Variants in CYTH1 observed in about 807,000 individuals in gnomAD.
CYTH1 encodes the protein cytohesin 1.
In CYTH1, 18 loss-of-function variants were observed where a neutral mutation model predicts 61.8. The observed-to-expected ratio is 0.29, with a 90% CI of 0.20 to 0.43. The LOEUF is 0.43. Ranked by LOEUF, CYTH1 falls within the 20% of genes least tolerant of loss-of-function variation. CYTH1 has a pLI of 1.00. For missense variants in CYTH1, 336 were observed against 510.5 expected (o/e 0.66, Z 3.29); for synonymous variants, 174 against 184.3 (o/e 0.94, Z 0.45).
chr17:78,742,659 C>T (rs915652928), intron 1 of CYTH1, among the ~76,000 whole-genome samples: 3 of 152,086 alleles, frequency 2.0e-5, no homozygotes, highest in African/African-American at 7.2e-5. Flanking sequence ...TTGAGGCCAG[C>T]CTAGCCGACA....
intron 13 of CYTH1, chr17:78,677,291 G>A (rs1216210069): frequency 5.6e-6 from 2 of 358,830 alleles, no homozygotes; most frequent in African/African-American, 2.1e-5. Flanking sequence ...AAGCTGGGGG[G>A]TTCTGCAGAG....
chr17:78,765,898 GGTCTT>G (rs1411199297), intron 1 of CYTH1, among the ~76,000 whole-genome samples: 1 of 151,908 alleles, frequency 6.6e-6, no homozygotes, highest in Non-Finnish European at 1.5e-5. Flanking sequence ...AAAGCTAGAG[GGTCTT>G]GTCTTGAGAT....
chr17:78,681,195 A>C, intron 11 of CYTH1, 153 bp from the exon 12 acceptor site: 2 of 683,572 alleles, frequency 2.9e-6, no homozygotes, highest in Non-Finnish European at 5.0e-6. Context: ...ATTCTAAACA[A>C]GAATAACACC....
In CYTH1 at chr17:78,773,405, G is replaced by C. The variant is rs35851210; in HGVS notation, c.22+8797C>G. Reference sequence around the variant, plus strand: ...AGCACTTTGGGAGGCCGAGGCGGACGGATCACCTGAGGTCAGGAGTTTGAG... The same window carrying C: ...AGCACTTTGGGAGGCCGAGGCGGACCGATCACCTGAGGTCAGGAGTTTGAG... On this transcript the variant is annotated intron_variant, in intron 1 of 13. Coordinates refer to ENST00000446868, the MANE Select transcript of CYTH1 (RefSeq NM_004762.6). Among the ~76,000 whole-genome samples, 1,117 of 152,184 alleles carry C rather than the reference G, an allele frequency of 7.3e-3. 7 individuals are homozygous for C. Among genetic ancestry groups the C allele is most frequent in the Non-Finnish European group, 0.013 (899 of 67,992 alleles).
intron 1 of CYTH1, among the ~76,000 whole-genome samples, chr17:78,711,594 A>G (rs2093132888): frequency 6.6e-6 from 1 of 152,134 alleles, no homozygotes; most frequent in African/African-American, 2.4e-5. Flanking sequence ...CTACATTCAC[A>G]GAGCAGTTAC....
intron 11 of CYTH1, among the ~76,000 whole-genome samples, chr17:78,681,294 C>T (rs893807417): frequency 2.0e-5 from 3 of 152,130 alleles, no homozygotes; most frequent in African/African-American, 7.2e-5. Context: ...AGAGTGTGGC[C>T]GGCAGTGACC....
intron 11 of CYTH1, among the ~76,000 whole-genome samples, chr17:78,686,777 AATTT>A (rs1042192393): frequency 1.1e-4 from 16 of 151,890 alleles, no homozygotes; most frequent in African/African-American, 3.4e-4. Context: ...TAAGTTAATT[AATTT>A]ATTTATTTTT....
chr17:78,692,816 C>T (rs1270934785), intron 10 of CYTH1, among the ~76,000 whole-genome samples: 2 of 151,948 alleles, frequency 1.3e-5, no homozygotes, highest in Admixed American at 6.6e-5. Flanking sequence ...CCAGAGTCAG[C>T]AAAAAGCCTA....
chr17:78,737,681 C>T (rs1001245530), intron 1 of CYTH1, among the ~76,000 whole-genome samples: 9 of 151,594 alleles, frequency 5.9e-5, no homozygotes, highest in Non-Finnish European at 1.3e-4. Flanking sequence ...TAATATGCTG[C>T]ACCCAAAGAT....
At chr17:78,752,465 C>G (rs576402103) in intron 1 of CYTH1, among the ~76,000 whole-genome samples, 155 of 152,252 alleles carry the variant, frequency 1.0e-3, no homozygotes, top group African/African-American at 3.5e-3. Context: ...CAGAGTCTTG[C>G]TCCGTCACCC....
intron 1 of CYTH1, among the ~76,000 whole-genome samples, chr17:78,740,428 A>G (rs1358548187): frequency 6.6e-6 from 1 of 152,166 alleles, no homozygotes. Context: ...TCCAGTTCAC[A>G]TTCTCAAAAG....
intron 1 of CYTH1, among the ~76,000 whole-genome samples, chr17:78,779,549 G>A (rs1237989000): frequency 6.6e-6 from 1 of 152,218 alleles, no homozygotes; most frequent in Non-Finnish European, 1.5e-5. Context: ...ATGGCAGAAG[G>A]GGAATTAAGG....
At chr17:78,739,498 G>A (rs1393873866) in intron 1 of CYTH1, among the ~76,000 whole-genome samples, 1 of 152,224 alleles carries the variant, frequency 6.6e-6, no homozygotes, top group African/African-American at 2.4e-5. Context: ...TACTGTGGCT[G>A]GAGCAGGAAG....
chr17:78,688,643 G>T (rs537603793), intron 11 of CYTH1, among the ~76,000 whole-genome samples: 1 of 152,226 alleles, frequency 6.6e-6, no homozygotes. Flanking sequence ...TGCTTTCAGC[G>T]CAGACATATT....
At chr17:78,771,499 G>T (rs184310555) in intron 1 of CYTH1, among the ~76,000 whole-genome samples, 1 of 152,028 alleles carries the variant, frequency 6.6e-6, no homozygotes, top group Non-Finnish European at 1.5e-5. Context: ...TTGGGAGGCC[G>T]AGGCAGGCAG....
chr17:78,699,365 GAA>G (rs61370475), intron 7 of CYTH1, among the ~76,000 whole-genome samples: 2 of 113,828 alleles, frequency 1.8e-5, no homozygotes, highest in East Asian at 2.5e-4. Context: ...CTCCATCTCA[GAA>G]AAAAAAAAAA....
At chr17:78,676,869 G>A (rs1375711720) in intron 13 of CYTH1, 3 of 394,734 alleles carry the variant, frequency 7.6e-6, no homozygotes, top group Admixed American at 2.9e-5. Context: ...TGCCATTCTC[G>A]ACTTTCAAGC....
intron 1 of CYTH1, among the ~76,000 whole-genome samples, chr17:78,765,038 T>C (rs2093442916): frequency 2.6e-5 from 4 of 151,880 alleles, no homozygotes; most frequent in African/African-American, 9.7e-5. Context: ...GAACTGAGCA[T>C]GAGGTTATTT....
At chr17:78,702,789 A>G (rs1395772839) in intron 3 of CYTH1, among the ~76,000 whole-genome samples, 185 bp from the exon 4 acceptor site, 1 of 152,172 alleles carries the variant, frequency 6.6e-6, no homozygotes, top group Non-Finnish European at 1.5e-5. Context: ...TCCAAGCTCC[A>G]AGCTCATTTG....
Sources: gnomAD v4.1 joint callset for allele counts (sites outside exome capture counted in the v4.1 genomes callset) on GRCh38, gnomAD v4.1.1 for gene constraint, MANE v1.5 for transcripts, NCBI Gene and HGNC (gene_info 2026-07-23, HGNC 2026-07-21) for gene names.